OTOF: variants seen among roughly 807,000 people sequenced by gnomAD.
The protein encoded by OTOF is fer-1-like family member 2.
OTOF carries 218 observed loss-of-function variants against 236.8 expected under a neutral mutation model. That is an observed-to-expected ratio of 0.92 (90% CI 0.82 to 1.03). The LOEUF is 1.03. Among genes scored for constraint, OTOF ranks in the 50% least tolerant of loss-of-function variants. OTOF has a pLI of 0.00. For synonymous variants in OTOF, 1,041 were observed against 1,072.5 expected, an observed-to-expected ratio of 0.97 and a Z score of 0.57; for missense variants, 2,590 against 2,694.4, an observed-to-expected ratio of 0.96 and a Z score of 0.86.
Position 26,458,011 on chromosome 2 carries a change from G to A in OTOF, c.*227C>T, listed in dbSNP as rs769514561. The stretch of plus-strand genomic sequence containing the variant: ...CACTGAAAGGAAATGCGGCAGGGCT[G>A]GGGAGCGGCTGGCGGGAGCTGGCGG... On this transcript the variant is annotated 3_prime_UTR_variant, in exon 47 of 47. Coordinates refer to ENST00000272371, the MANE Select transcript of OTOF (RefSeq NM_194248.3). 4 of 1,602,734 alleles carry A rather than the reference G, an allele frequency of 2.5e-6. No individual in the cohort carries two copies. In the South Asian group the frequency reaches 4.4e-5, roughly 18 times the overall value.
chr2:26,489,324 C>T (rs1428311096), intron 10 of OTOF, 29 bp from the exon 11 acceptor site: 1 of 1,565,906 alleles, frequency 6.4e-7, no homozygotes, highest in South Asian at 1.1e-5. Flanking sequence ...GCCCACCCGT[C>T]AGGCCCAGCA....
intron 1 of OTOF, among the ~76,000 whole-genome samples, chr2:26,541,543 A>G (rs1667212608): frequency 6.6e-6 from 1 of 152,228 alleles, no homozygotes; most frequent in Non-Finnish European, 1.5e-5. Context: ...TCAGGAGGGT[A>G]TGTACAAACA....
Position 26,460,898 on chromosome 2 carries a change from C to A in OTOF, c.5666G>T (p.Trp1889Leu). ...SIFKQKRVKG[W>L]WPLLARNEND... ...CTCATTGCGGGCCAGGAGGGGCCAC[C>A]AGCCTTTGACGCGCTTTTGCTTGAA... The change falls in exon 44 of 47, where the codon TGG becomes TTG. Residue 1889 changes from tryptophan (W) to leucine (L), a missense_variant. This residue lies in a region of OTOF where 1,211 missense variants were observed against 1,352.8 expected (regional missense o/e 0.90). Transcript: ENST00000272371. The surrounding 1 kb of genome is among the most constrained non-coding windows in gnomAD (Gnocchi z 5.3). 1.9e-6 allele frequency: 3 copies of A among 1,614,174 alleles called. No individual in the cohort carries two copies. Among genetic ancestry groups the A allele is most frequent in the Non-Finnish European group, 2.5e-6 (3 of 1,180,022 alleles).
In OTOF at chr2:26,466,828, C is replaced by T; in HGVS notation, c.4386G>A (p.Val1462=). ...RFKGSLCVYK[V]PLPEDVSREA... is the part of the protein sequence containing the mutation. ...CCCGGGACACGTCCTCTGGGAGTGG[C>T]ACTTTGTACACGCAGAGGGAGCCCT... Residue 1462 remains valine (V), a synonymous_variant, in exon 36 of 47, where the codon GTG becomes GTA. Coordinates refer to ENST00000272371, the MANE Select transcript of OTOF (RefSeq NM_194248.3). 1 of 1,614,218 alleles carries T rather than the reference C, an allele frequency of 6.2e-7. No individual in the cohort carries two copies. The highest frequency in any genetic ancestry group is 8.5e-7 in the Non-Finnish European group (1 of 1,180,042).
Position 26,482,404 on chromosome 2 carries a change from AC to A in OTOF, c.1579+1del. On this transcript the variant is annotated splice_donor_variant, in intron 14 of 46. Transcript: ENST00000272371. LOFTEE classifies it high-confidence loss of function. ...CAGCACACCGGGTCTCCCGCTGCTG[AC>A]CTTTGTCTCCGTCATTAGAAATCTT... 1 of 1,613,056 alleles carries A rather than the reference AC, an allele frequency of 6.2e-7. No individual in the cohort carries two copies. The highest frequency in any genetic ancestry group is 8.5e-7 in the Non-Finnish European group (1 of 1,179,972).
At chr2:26,476,844 T>A (rs1558484361) in intron 22 of OTOF, 47 bp downstream of exon 22, 1 of 1,565,272 alleles carries the variant, frequency 6.4e-7, no homozygotes. Context: ...GGGCTGCTGC[T>A]CCCCTGAAAG....
rs1355522131 is a variant in OTOF at position 26,477,876 on chromosome 2, CTGAGTATCGGTCATCA to C, written c.2215-143_2215-128del. The stretch of plus-strand genomic sequence containing the variant: ...TCTGGGAGCTCTCGCTAGGGCCATC[CTGAGTATCGGTCATCA>C]TGAGGAAGTCATCAATTTCCCAGGT... On this transcript the variant is annotated intron_variant, in intron 18 of 46. Coordinates refer to ENST00000272371, the MANE Select transcript of OTOF (RefSeq NM_194248.3). This position sits in a 1 kb window ranked among gnomAD's most constrained non-coding sequence, Gnocchi z 4.7. The C allele has an allele frequency of 6.4e-7, 1 of 1,550,520 alleles. No homozygotes were observed. The highest frequency in any genetic ancestry group is 1.2e-5 in the South Asian group (1 of 84,340).
chr2:26,469,301 G>T (rs1664874645), intron 32 of OTOF, among the ~76,000 whole-genome samples: 1 of 152,246 alleles, frequency 6.6e-6, no homozygotes, highest in Non-Finnish European at 1.5e-5. Flanking sequence ...GTGGCAGTCT[G>T]TGAAAATTGC....
In OTOF at chr2:26,541,263, T is replaced by C. The variant is rs1415243093; in HGVS notation, c.80-3489A>G. On this transcript the variant is annotated intron_variant, in intron 1 of 46. Transcript: ENST00000272371. ...CCTCCCCTGCTTGTGCATTTTTCCA[T>C]AGCTTTGTTAGAGAGGAAGTAAAAT... is the stretch of plus-strand genomic sequence containing the variant. Among the ~76,000 whole-genome samples, 3 of 152,276 alleles carry C rather than the reference T, an allele frequency of 2.0e-5. No homozygotes were observed. The East Asian group carries it at 5.8e-4, about 29-fold the overall frequency.
chr2:26,464,146 A>G, intron 39 of OTOF, 40 bp from the exon 40 acceptor site: 1 of 1,610,914 alleles, frequency 6.2e-7, no homozygotes, highest in Non-Finnish European at 8.5e-7. Flanking sequence ...ATGGCTCAGC[A>G]GAACCAGAAG....
intron 38 of OTOF, among the ~76,000 whole-genome samples, chr2:26,465,358 C>T (rs184841060): frequency 1.5e-4 from 23 of 152,336 alleles, no homozygotes; most frequent in African/African-American, 5.5e-4. Flanking sequence ...GTCACACAGC[C>T]TATAAGTGGC....
chr2:26,520,306 A>G (rs1666644907), intron 3 of OTOF, among the ~76,000 whole-genome samples: 1 of 152,206 alleles, frequency 6.6e-6, no homozygotes, highest in South Asian at 2.1e-4. Flanking sequence ...AGGGGAAGGG[A>G]CACAGCTAAT....
At chr2:26,537,808 G>T (rs770421577) in intron 1 of OTOF, 34 bp from the exon 2 acceptor site, 4 of 1,486,346 alleles carry the variant, frequency 2.7e-6, no homozygotes, top group Non-Finnish European at 3.7e-6. Flanking sequence ...TCTAGGGTCA[G>T]AGCTGTCCAG....
At chr2:26,522,487 G>A (rs1486159888) in intron 3 of OTOF, among the ~76,000 whole-genome samples, 1 of 152,194 alleles carries the variant, frequency 6.6e-6, no homozygotes, top group East Asian at 1.9e-4. Flanking sequence ...GGCCCTTGTG[G>A]TGACCCCAGA....
rs1181307369 is a variant in OTOF, at chr2:26,460,175, C to T, written c.5844G>A (p.Leu1948=). 1.2e-6 allele frequency: 2 copies of T among 1,605,366 alleles called. No individual in the cohort carries two copies. Among genetic ancestry groups the T allele is most frequent in the Admixed American group, 3.4e-5 (2 of 59,014 alleles). ...NRPDTSFIWF[L]NPLKSARYFL... ...AGTAGCGAGCCGACTTGAGAGGGTT[C>T]AGGAACCAGATGAAGCTCGTGTCGG... The change falls in exon 46 of 47, where the codon CTG becomes CTA. Residue 1948 remains leucine (L), a synonymous_variant. Transcript: ENST00000272371. This position sits in a 1 kb window ranked among gnomAD's most constrained non-coding sequence, Gnocchi z 5.3.
At position 26,470,692 on chromosome 2, in the gene OTOF, C is replaced by T. The variant is rs759041936; in HGVS notation, c.3924G>A (p.Lys1308=). The T allele has an allele frequency of 1.2e-6, 2 of 1,613,858 alleles. No individual in the cohort carries two copies. The highest frequency in any genetic ancestry group is 1.7e-6 in the Non-Finnish European group (2 of 1,179,966). Reference sequence around the variant, plus strand: ...CTGGCTCCTCCGCAGTGCCCTTCTTCTTCTTCTTCTTCTCCTTCTCCTCCT... The same window carrying T: ...CTGGCTCCTCCGCAGTGCCCTTCTTTTTCTTCTTCTTCTCCTTCTCCTCCT... The part of the protein sequence containing the change: ...VAEEEKEKKK[K]KKGTAEEPEE... Residue 1308 remains lysine (K), a synonymous_variant, in exon 32 of 47, where the codon AAG becomes AAA. Transcript: ENST00000272371. The surrounding 1 kb of genome is among the most constrained non-coding windows in gnomAD (Gnocchi z 4.3).
chr2:26,528,025 C>CAAGTGAGGGGCCA, intron 2 of OTOF, 105 bp from the exon 3 acceptor site: 1 of 822,062 alleles, frequency 1.2e-6, no homozygotes, highest in Non-Finnish European at 2.1e-6. Context: ...CAGAGTGGCC[C>CAAGTGAGGGGCCA]CTCACTTGGG....
chr2:26,519,300 G>T lies in OTOF; in HGVS notation c.228-191C>A, dbSNP rs556103665. On this transcript the variant is annotated intron_variant, in intron 3 of 46. Transcript: ENST00000272371. ...AGGGCAGCATGTCCCACTGTGGATGGTTGTTTGTGGGAGGCCCATTTCCTT... is the reference window on the plus strand; with the variant it reads ...AGGGCAGCATGTCCCACTGTGGATGTTTGTTTGTGGGAGGCCCATTTCCTT... 3.3e-5 allele frequency among the ~76,000 whole-genome samples: 5 copies of T among 152,340 alleles called. No individual in the cohort carries two copies. The South Asian group carries it at 1.0e-3, about 32-fold the overall frequency.
intron 8 of OTOF, among the ~76,000 whole-genome samples, chr2:26,500,372 G>A (rs1666087176): frequency 6.6e-6 from 1 of 152,200 alleles, no homozygotes; most frequent in Non-Finnish European, 1.5e-5. Context: ...GAACAATAAT[G>A]ACTCTATTTT....
Sources: gnomAD v4.1 joint callset for allele counts (sites outside exome capture counted in the v4.1 genomes callset) on GRCh38, gnomAD v4.1.1 for gene constraint, gnomAD v4.1.1 regional missense constraint, Gnocchi (gnomAD v3.1) non-coding constraint, MANE v1.5 for transcripts, NCBI Gene and HGNC (gene_info 2026-07-23, HGNC 2026-07-21) for gene names.